SYT1: variants seen among roughly 807,000 people sequenced by gnomAD.
The protein encoded by SYT1 is synaptotagmin 1, also known as synaptotagmin-1.
SYT1 carries 8 observed loss-of-function variants against 44.8 expected under a neutral mutation model. The ratio of observed to expected loss-of-function variants is 0.18; its 90% confidence interval spans 0.10 to 0.32. The LOEUF (loss-of-function observed/expected upper bound fraction) is 0.32, where lower values mean the gene tolerates loss of function less well. Ranked by LOEUF, SYT1 falls within the 10% of genes least tolerant of loss-of-function variation. The pLI, the probability that SYT1 is intolerant of heterozygous loss-of-function variation, is 1.00. For missense variants in SYT1, 286 were observed against 509.3 expected (o/e 0.56, Z 4.22); for synonymous variants, 154 against 188.8 (o/e 0.82, Z 1.51).
At chr12:79,138,817 G>A (rs1195351883) in intron 3 of SYT1, among the ~76,000 whole-genome samples, 2 of 152,058 alleles carry the variant, frequency 1.3e-5, no homozygotes, top group African/African-American at 4.8e-5. Flanking sequence ...ATTTTGCAAG[G>A]CTTTCACATA....
intron 1 of SYT1, among the ~76,000 whole-genome samples, chr12:78,921,874 A>T (rs577725958): frequency 5.3e-5 from 8 of 152,066 alleles, no homozygotes; most frequent in African/African-American, 1.7e-4. Context: ...GATTTTGTAA[A>T]TAAGCAAAAA....
intron 8 of SYT1, among the ~76,000 whole-genome samples, chr12:79,321,126 A>C (rs139605759): frequency 1.0e-3 from 159 of 152,320 alleles, no homozygotes; most frequent in African/African-American, 3.6e-3. Context: ...AATCTCACAA[A>C]CTGTGTTACA....
chr12:78,879,562 TA>T (rs1874346716), intron 1 of SYT1, among the ~76,000 whole-genome samples: 1 of 151,814 alleles, frequency 6.6e-6, no homozygotes, highest in Non-Finnish European at 1.5e-5. Flanking sequence ...CTAATTTTGT[TA>T]TCTAGAAACC....
chr12:79,398,112 G>GTCATTTT (rs1425788945), intron 9 of SYT1, among the ~76,000 whole-genome samples: 11 of 152,056 alleles, frequency 7.2e-5, no homozygotes. Context: ...TTTGTCATTT[G>GTCATTTT]TTATGTTTCA....
At chr12:78,924,741 C>A (rs558856916) in intron 1 of SYT1, among the ~76,000 whole-genome samples, 1 of 150,660 alleles carries the variant, frequency 6.6e-6, no homozygotes, top group African/African-American at 2.4e-5. Context: ...CTAGCTTCTA[C>A]GTCCTTTTGA....
At chr12:79,448,885 G>C in intron 10 of SYT1, 33 bp from the exon 11 acceptor site, 1 of 1,605,706 alleles carries the variant, frequency 6.2e-7, no homozygotes, top group Non-Finnish European at 8.5e-7. Context: ...TCTAGAGCTA[G>C]ATGATTCATA....
chr12:78,897,657 G>T (rs537594821), intron 1 of SYT1, among the ~76,000 whole-genome samples: 1 of 152,124 alleles, frequency 6.6e-6, no homozygotes, highest in African/African-American at 2.4e-5. Flanking sequence ...CTTATTAAGT[G>T]CTACAGGCAG....
chr12:79,165,219 C>G (rs1367130975), intron 3 of SYT1, among the ~76,000 whole-genome samples: 3 of 151,896 alleles, frequency 2.0e-5, no homozygotes, highest in African/African-American at 7.2e-5. Flanking sequence ...ATTTTTAACT[C>G]TGTTTTTCTA....
intron 4 of SYT1, among the ~76,000 whole-genome samples, chr12:79,250,531 C>A (rs1343122462): frequency 6.6e-6 from 1 of 152,106 alleles, no homozygotes; most frequent in Non-Finnish European, 1.5e-5. Flanking sequence ...GTTTTTATAT[C>A]TGTGGAAATG....
intron 4 of SYT1, among the ~76,000 whole-genome samples, chr12:79,278,601 G>A (rs1177637845): frequency 1.3e-5 from 2 of 151,706 alleles, no homozygotes; most frequent in African/African-American, 4.8e-5. Context: ...CATGCCTCAA[G>A]GAACTAGAAA....
chr12:79,423,216 G>C (rs540765634), intron 9 of SYT1, among the ~76,000 whole-genome samples: 26 of 152,170 alleles, frequency 1.7e-4, no homozygotes, highest in African/African-American at 6.0e-4. Context: ...GTGCATGCAT[G>C]CTTTGTTTTG....
At chr12:79,033,475 G>A (rs1476096013) in intron 2 of SYT1, among the ~76,000 whole-genome samples, 6 of 151,314 alleles carry the variant, frequency 4.0e-5, no homozygotes. Context: ...TCATAGGATT[G>A]CATTTATGCT....
intron 1 of SYT1, among the ~76,000 whole-genome samples, chr12:78,890,564 A>G (rs926867878): frequency 1.3e-5 from 2 of 151,812 alleles, no homozygotes; most frequent in Admixed American, 1.3e-4. Context: ...ATAATAATGT[A>G]TCTTAAACTA....
intron 9 of SYT1, among the ~76,000 whole-genome samples, chr12:79,362,454 C>A (rs60201335): frequency 0.019 from 2,940 of 152,208 alleles, 87 homozygotes; most frequent in African/African-American, 0.068. Context: ...GATGTTGTCA[C>A]AGAAGATTTT....
At chr12:79,015,615 G>A (rs972583769) in intron 2 of SYT1, among the ~76,000 whole-genome samples, 12 of 151,964 alleles carry the variant, frequency 7.9e-5, no homozygotes, top group South Asian at 4.1e-4. Context: ...AGAATATTTC[G>A]GTCTAATGGA....
At chr12:79,146,520 A>G (rs561942641) in intron 3 of SYT1, among the ~76,000 whole-genome samples, 5 of 152,320 alleles carry the variant, frequency 3.3e-5, no homozygotes, top group Admixed American at 2.6e-4. Context: ...ACCACACCAC[A>G]GTACAGAGGC....
At chr12:79,286,654 C>A (rs1424056718) in intron 5 of SYT1, among the ~76,000 whole-genome samples, 1 of 151,996 alleles carries the variant, frequency 6.6e-6, no homozygotes, top group Non-Finnish European at 1.5e-5. Context: ...TCTTTCCAAG[C>A]CCAAAAAAGC....
At chr12:79,193,492 G>T (rs1424890164) in intron 3 of SYT1, among the ~76,000 whole-genome samples, 3 of 152,054 alleles carry the variant, frequency 2.0e-5, no homozygotes, top group Non-Finnish European at 1.5e-5. Flanking sequence ...TAAAATTCAG[G>T]TGTGTAACCC....
At chr12:79,027,614 A>T (rs1488729959) in intron 2 of SYT1, among the ~76,000 whole-genome samples, 9 of 151,520 alleles carry the variant, frequency 5.9e-5, no homozygotes, top group Admixed American at 2.0e-4. Context: ...GCTTTTAGGC[A>T]TGTGACAACC....
Sources: gnomAD v4.1 joint callset for allele counts (sites outside exome capture counted in the v4.1 genomes callset) on GRCh38, gnomAD v4.1.1 for gene constraint, MANE v1.5 for transcripts, NCBI Gene and HGNC (gene_info 2026-07-23, HGNC 2026-07-21) for gene names.